SOX6: variants seen among roughly 807,000 people sequenced by gnomAD.
SOX6 encodes the protein transcription factor SOX-6.
SOX6 carries 11 observed loss-of-function variants against 97.8 expected under a neutral mutation model. The ratio of observed to expected loss-of-function variants is 0.11; its 90% CI spans 0.07 to 0.19. SOX6 has a LOEUF of 0.19. Among genes scored for constraint, SOX6 ranks in the 10% least tolerant of loss-of-function variants. The pLI, the probability that SOX6 is intolerant of heterozygous loss-of-function variation, is 1.00. For missense variants in SOX6, 810 were observed against 1,039.5 expected (o/e 0.78, Z 3.04); for synonymous variants, 360 against 371.4 (o/e 0.97, Z 0.35).
chr11:16,081,027 T>C (rs1466800076), intron 9 of SOX6, among the ~76,000 whole-genome samples: 1 of 152,002 alleles, frequency 6.6e-6, no homozygotes, highest in Non-Finnish European at 1.5e-5. Context: ...AGTTCAAGGC[T>C]GAAGTGAGCT....
intron 6 of SOX6, among the ~76,000 whole-genome samples, chr11:16,166,165 T>G (rs1437886284): frequency 1.3e-5 from 2 of 152,166 alleles, no homozygotes; most frequent in Admixed American, 1.3e-4. Context: ...TAAGTGATTT[T>G]TTTTTAATGA....
At chr11:16,025,128 A>G (rs1468995156) in intron 12 of SOX6, among the ~76,000 whole-genome samples, 1 of 152,150 alleles carries the variant, frequency 6.6e-6, no homozygotes, top group Admixed American at 6.6e-5. Flanking sequence ...TGGTTTTAAT[A>G]TGGTTTTAAC....
Position 16,346,498 on chromosome 11 carries a change from G to A in SOX6, c.-4-5246C>T, listed in dbSNP as rs528689278. Among the ~76,000 whole-genome samples the A allele has an allele frequency of 4.0e-4, 61 of 151,986 alleles. 1 individual carries two copies. In the South Asian group the frequency reaches 0.012, roughly 31 times the overall value. On this transcript the variant is annotated intron_variant, in intron 1 of 15. Coordinates refer to ENST00000683767, the MANE Select transcript of SOX6 (RefSeq NM_001367873.1). ...TTCCTCAATTCATTCCAGTAAAGTC[G>A]GAAGGTGCTTACTAATTATTTGTAT...
At chr11:16,484,634 A>C in intron 4 of SOX6, 1 of 656,700 alleles carries the variant, frequency 1.5e-6, no homozygotes, top group Non-Finnish European at 2.8e-6. Flanking sequence ...CAGGATGGAC[A>C]TCCTGGCACC....
In SOX6 at chr11:16,204,230, C is replaced by T. The variant is rs1028880661; in HGVS notation, c.536-17275G>A. 2.0e-5 allele frequency among the ~76,000 whole-genome samples: 3 copies of T among 152,058 alleles called. No homozygotes were observed. In the South Asian group the frequency reaches 6.2e-4, roughly 32 times the overall value. ...CCAAAATTTAAACTCTAACTTAAAA[C>T]CTATTTCCCTTTCCACTTCAAAACA... On this transcript the variant is annotated intron_variant, in intron 4 of 15. Coordinates refer to ENST00000683767, the MANE Select transcript of SOX6 (RefSeq NM_001367873.1).
At chr11:16,254,403 T>C (rs1853618063) in intron 3 of SOX6, among the ~76,000 whole-genome samples, 1 of 152,084 alleles carries the variant, frequency 6.6e-6, no homozygotes, top group Admixed American at 6.6e-5. Context: ...CATACATGTA[T>C]AGTTATACAT....
chr11:16,252,077 G>A (rs1031723533), intron 3 of SOX6, among the ~76,000 whole-genome samples: 10 of 152,018 alleles, frequency 6.6e-5, no homozygotes, highest in African/African-American at 1.7e-4. Context: ...GAATGCTTTC[G>A]TCTGAACTCA....
At chr11:16,110,361 A>G (rs529185682) in intron 7 of SOX6, 1 of 152,102 alleles carries the variant, frequency 6.6e-6, no homozygotes, top group Admixed American at 6.5e-5. Context: ...AGTAGTTTAG[A>G]ATGACTTACA....
chr11:16,004,181 A>G (rs1435177459), intron 13 of SOX6, among the ~76,000 whole-genome samples: 1 of 152,036 alleles, frequency 6.6e-6, no homozygotes, highest in Non-Finnish European at 1.5e-5. Flanking sequence ...GATGGATGTT[A>G]AAGATTACCT....
At chr11:16,018,554 A>T (rs1281758074) in intron 12 of SOX6, among the ~76,000 whole-genome samples, 2 of 152,132 alleles carry the variant, frequency 1.3e-5, no homozygotes, top group Non-Finnish European at 2.9e-5. Flanking sequence ...TTTTCTTTGC[A>T]CTTAGATAAA....
intron 12 of SOX6, among the ~76,000 whole-genome samples, chr11:16,045,988 C>G (rs1229454789): frequency 6.6e-6 from 1 of 152,174 alleles, no homozygotes; most frequent in African/African-American, 2.4e-5. Context: ...ACTGCTGTAT[C>G]TCCAGCGCCT....
At chr11:16,322,480 T>C (rs891244421) in intron 2 of SOX6, among the ~76,000 whole-genome samples, 5 of 152,200 alleles carry the variant, frequency 3.3e-5, no homozygotes, top group African/African-American at 1.2e-4. Flanking sequence ...ACCTCTTTTC[T>C]TTATAAATTA....
chr11:16,518,014 C>A (rs975295553), intron 4 of SOX6, among the ~76,000 whole-genome samples: 3 of 152,128 alleles, frequency 2.0e-5, no homozygotes, highest in Admixed American at 6.6e-5. Flanking sequence ...TCATTGCTCG[C>A]CCCATCCATA....
At chr11:16,597,968 T>G (rs1242908265) in intron 4 of SOX6, among the ~76,000 whole-genome samples, 9 of 152,044 alleles carry the variant, frequency 5.9e-5, no homozygotes, top group Admixed American at 5.9e-4. Context: ...TATTTCTATT[T>G]TACATAAGAG....
At chr11:15,975,558 G>T (rs761242433) in intron 15 of SOX6, among the ~76,000 whole-genome samples, 1 of 152,114 alleles carries the variant, frequency 6.6e-6, no homozygotes, top group Non-Finnish European at 1.5e-5. Context: ...ATATCAATAG[G>T]TCTACTGAAT....
chr11:16,019,593 T>C (rs1353592689), intron 12 of SOX6, among the ~76,000 whole-genome samples: 2 of 152,172 alleles, frequency 1.3e-5, no homozygotes, highest in African/African-American at 4.8e-5. Flanking sequence ...TTTATGTATA[T>C]ATAAGACAGT....
chr11:16,333,323 C>T (rs564732611), intron 2 of SOX6, among the ~76,000 whole-genome samples: 1 of 152,136 alleles, frequency 6.6e-6, no homozygotes, highest in African/African-American at 2.4e-5. Flanking sequence ...GCATTCTATA[C>T]AATATAAACA....
chr11:16,337,466 T>C (rs867827104), intron 2 of SOX6, among the ~76,000 whole-genome samples: 10 of 152,110 alleles, frequency 6.6e-5, no homozygotes, highest in African/African-American at 2.4e-4. Context: ...AATAATATCC[T>C]GTACATTTTT....
chr11:16,046,477 G>A (rs373731924), intron 12 of SOX6, 37 bp downstream of exon 12: 88 of 1,607,506 alleles, frequency 5.5e-5, no homozygotes, highest in Non-Finnish European at 7.1e-5. Context: ...GAGCCAATAA[G>A]TCTAGCAGAT....
Sources: allele counts gnomAD v4.1 joint callset (sites outside exome capture counted in the v4.1 genomes callset), GRCh38; gene constraint gnomAD v4.1.1; transcripts MANE v1.5; gene names NCBI Gene and HGNC (gene_info 2026-07-23, HGNC 2026-07-21).